FOXP2: variants seen among roughly 807,000 people sequenced by gnomAD.
FOXP2 encodes the protein forkhead box P2.
Under a neutral mutation model 115.8 loss-of-function variants are expected in FOXP2, and 12 were observed. The ratio of observed to expected loss-of-function variants is 0.10; its 90% confidence interval spans 0.07 to 0.17. The LOEUF (loss-of-function observed/expected upper bound fraction) is 0.17, where lower values mean the gene tolerates loss of function less well. Among genes scored for constraint, FOXP2 ranks in the 10% least tolerant of loss-of-function variants. The pLI is 1.00. For synonymous variants in FOXP2, 328 were observed against 297.7 expected (o/e 1.10, Z -1.05); for missense variants, 629 against 843.5 (o/e 0.75, Z 3.15).
intron 3 of FOXP2, chr7:114,538,300 C>G: frequency 7.7e-7 from 1 of 1,293,848 alleles, no homozygotes. Context: ...AAATTGGTCG[C>G]ATTATTGTTC....
At chr7:114,193,101 A>T (rs1040367145) in intron 1 of FOXP2, among the ~76,000 whole-genome samples, 7 of 152,124 alleles carry the variant, frequency 4.6e-5, no homozygotes, top group African/African-American at 1.4e-4. Context: ...TTATATCTTG[A>T]AATGAAATAC....
intron 1 of FOXP2, among the ~76,000 whole-genome samples, chr7:114,223,549 T>C (rs1287683620): frequency 6.8e-6 from 1 of 146,022 alleles, no homozygotes; most frequent in Non-Finnish European, 1.5e-5. Context: ...CTTTGTTGGA[T>C]AGGTAGATAG....
chr7:114,134,440 T>C (rs535786295), intron 1 of FOXP2, among the ~76,000 whole-genome samples: 29 of 152,284 alleles, frequency 1.9e-4, no homozygotes, highest in South Asian at 6.2e-4. Flanking sequence ...TCTTAAGAAA[T>C]GCTATTTGTA....
chr7:114,193,780 G>A (rs950956088), intron 1 of FOXP2, among the ~76,000 whole-genome samples: 8 of 152,042 alleles, frequency 5.3e-5, no homozygotes, highest in African/African-American at 1.9e-4. Context: ...CAGTTTGTCG[G>A]TATGGTACAT....
chr7:114,301,900 T>G (rs1026916468), intron 2 of FOXP2, among the ~76,000 whole-genome samples: 1 of 152,114 alleles, frequency 6.6e-6, no homozygotes, highest in African/African-American at 2.4e-5. Flanking sequence ...CTGCCATACT[T>G]TTTAGGCAGC....
chr7:114,473,236 AG>A (rs1796122052), intron 2 of FOXP2, among the ~76,000 whole-genome samples: 1 of 152,184 alleles, frequency 6.6e-6, no homozygotes, highest in East Asian at 1.9e-4. Context: ...GATTTCTAAA[AG>A]TAAATACCCA....
intron 3 of FOXP2, among the ~76,000 whole-genome samples, chr7:114,585,562 C>T (rs1802091439): frequency 6.8e-6 from 1 of 146,242 alleles, no homozygotes; most frequent in East Asian, 2.0e-4. Context: ...GTAGTAAACG[C>T]TACTATTAAA....
intron 2 of FOXP2, among the ~76,000 whole-genome samples, chr7:114,447,618 T>G (rs529716347): frequency 6.6e-6 from 1 of 152,230 alleles, no homozygotes; most frequent in Non-Finnish European, 1.5e-5. Context: ...CGCTAACATT[T>G]TACTCCTATC....
intron 2 of FOXP2, among the ~76,000 whole-genome samples, chr7:114,472,073 A>C (rs1796074082): frequency 6.6e-6 from 1 of 152,186 alleles, no homozygotes; most frequent in Non-Finnish European, 1.5e-5. Context: ...TAATTTGTGC[A>C]CTACCCAGTG....
At chr7:114,628,430 G>C in intron 3 of FOXP2, 110 bp from the exon 4 acceptor site, 6 of 1,412,896 alleles carry the variant, frequency 4.2e-6, no homozygotes, top group Non-Finnish European at 5.9e-6. Flanking sequence ...AAAAATTATT[G>C]ATCATCAATG....
chr7:114,660,531 A>G (rs2129341354), intron 13 of FOXP2, among the ~76,000 whole-genome samples: 1 of 152,344 alleles, frequency 6.6e-6, no homozygotes, highest in East Asian at 1.9e-4. Context: ...AATGCAAATT[A>G]ATCTGGCAAG....
At chr7:114,521,373 AC>A (rs1467674133) in intron 2 of FOXP2, among the ~76,000 whole-genome samples, 2 of 151,930 alleles carry the variant, frequency 1.3e-5, no homozygotes, top group Non-Finnish European at 2.9e-5. Flanking sequence ...TCTACCAAAA[AC>A]AAACAAACAA....
chr7:114,215,129 ATAAT>A (rs1794454166), intron 1 of FOXP2, among the ~76,000 whole-genome samples: 2 of 152,242 alleles, frequency 1.3e-5, no homozygotes, highest in South Asian at 2.1e-4. Context: ...TGAATCCTTA[ATAAT>A]TAATTATATT....
intron 1 of FOXP2, among the ~76,000 whole-genome samples, chr7:114,152,546 G>A (rs1293883099): frequency 6.6e-6 from 1 of 152,104 alleles, no homozygotes; most frequent in East Asian, 1.9e-4. Flanking sequence ...CTGTTGTTTT[G>A]TCATTTCATT....
At chr7:114,498,456 G>T (rs1458380657) in intron 2 of FOXP2, among the ~76,000 whole-genome samples, 1 of 152,104 alleles carries the variant, frequency 6.6e-6, no homozygotes, top group African/African-American at 2.4e-5. Flanking sequence ...TATGGAAAAA[G>T]TAAATACAAT....
At chr7:114,234,241 A>T (rs1325971265) in intron 1 of FOXP2, among the ~76,000 whole-genome samples, 2 of 152,144 alleles carry the variant, frequency 1.3e-5, no homozygotes, top group Non-Finnish European at 2.9e-5. Flanking sequence ...TATCTGGGTA[A>T]AAGGCTCCTC....
intron 2 of FOXP2, among the ~76,000 whole-genome samples, chr7:114,371,572 GATT>G (rs1264000295): frequency 6.6e-6 from 1 of 152,008 alleles, no homozygotes; most frequent in East Asian, 1.9e-4. Flanking sequence ...CCTGCATTTG[GATT>G]ATATTTGTTA....
chr7:114,266,654 C>A (rs529167096), intron 1 of FOXP2, among the ~76,000 whole-genome samples: 1 of 152,252 alleles, frequency 6.6e-6, no homozygotes, highest in Non-Finnish European at 1.5e-5. Context: ...ACCTCCAACA[C>A]TGGGGGTTAC....
intron 1 of FOXP2, among the ~76,000 whole-genome samples, chr7:114,110,020 T>G (rs1321191137): frequency 6.6e-6 from 1 of 152,176 alleles, no homozygotes; most frequent in South Asian, 2.1e-4. Context: ...AAAAGTCTTC[T>G]GTGCATAAGT....
Sources: allele counts gnomAD v4.1 joint callset (sites outside exome capture counted in the v4.1 genomes callset), GRCh38; gene constraint gnomAD v4.1.1; transcripts MANE v1.5; gene names NCBI Gene and HGNC (gene_info 2026-07-23, HGNC 2026-07-21).